Variants in SVIL observed in about 807,000 individuals in gnomAD.
SVIL encodes supervillin, also known as archvillin.
SVIL carries 101 observed loss-of-function variants against 240.4 expected under a neutral mutation model. The observed-to-expected ratio is 0.42, with a 90% confidence interval of 0.36 to 0.50. SVIL has a LOEUF of 0.50. Among genes scored for constraint, SVIL ranks in the 20% least tolerant of loss-of-function variants. The pLI is 0.01. For synonymous variants in SVIL, 999 were observed against 1,100.0 expected (o/e 0.91, Z 1.82); for missense variants, 2,512 against 2,818.7 (o/e 0.89, Z 2.46).
chr10:29,517,101 G>A (rs1950253599), intron 16 of SVIL, among the ~76,000 whole-genome samples: 1 of 152,104 alleles, frequency 6.6e-6, no homozygotes, highest in South Asian at 2.1e-4. Context: ...TCTTTTAAAT[G>A]AGAGACAAAT....
intron 1 of SVIL, among the ~76,000 whole-genome samples, chr10:29,595,444 C>T (rs1424093656): frequency 6.6e-6 from 1 of 152,128 alleles, no homozygotes; most frequent in African/African-American, 2.4e-5. Flanking sequence ...AAGGCACGTG[C>T]CCAGTGAGGG....
intron 17 of SVIL, among the ~76,000 whole-genome samples, chr10:29,501,329 A>G (rs1010726528): frequency 6.6e-6 from 1 of 151,588 alleles, no homozygotes; most frequent in African/African-American, 2.4e-5. Context: ...GCGAGGAAAT[A>G]TCTTTGACTT....
At chr10:29,480,893 G>C in intron 28 of SVIL, 80 bp from the exon 29 acceptor site, 1 of 1,485,010 alleles carries the variant, frequency 6.7e-7, no homozygotes, top group Non-Finnish European at 9.1e-7. Flanking sequence ...TGCTTCAGCT[G>C]TTCATGGGAC....
chr10:29,517,574 C>T (rs1157889302), intron 16 of SVIL, among the ~76,000 whole-genome samples: 1 of 152,186 alleles, frequency 6.6e-6, no homozygotes, highest in Non-Finnish European at 1.5e-5. Context: ...TTTGTGGAGA[C>T]AGGGAGACAG....
chr10:29,665,227 C>CAA (rs58164251), intron 2 of SVIL, among the ~76,000 whole-genome samples: 12,190 of 67,146 alleles, frequency 0.18, 1,081 homozygotes, highest in Middle Eastern at 0.24. Context: ...GATCTTGTCT[C>CAA]AAAAAAAAAA....
intron 32 of SVIL, 51 bp downstream of exon 32, chr10:29,470,225 C>G: frequency 6.3e-7 from 1 of 1,596,202 alleles, no homozygotes. Context: ...CTGCCCCGTC[C>G]CTCTGGGAAG....
At chr10:29,617,504 C>T (rs908802824) in intron 1 of SVIL, among the ~76,000 whole-genome samples, 4 of 151,702 alleles carry the variant, frequency 2.6e-5, no homozygotes, top group Non-Finnish European at 5.9e-5. Flanking sequence ...TCGCTTGAAC[C>T]CGGAAGGCAG....
chr10:29,642,692 C>CT (rs888726425), intron 3 of SVIL, among the ~76,000 whole-genome samples: 16 of 151,840 alleles, frequency 1.1e-4, no homozygotes, highest in African/African-American at 3.4e-4. Context: ...TTCTCTCTCT[C>CT]TTTTTTTTGG....
At chr10:29,571,722 C>G (rs1193348490) in intron 1 of SVIL, among the ~76,000 whole-genome samples, 2 of 152,210 alleles carry the variant, frequency 1.3e-5, no homozygotes, top group African/African-American at 4.8e-5. Flanking sequence ...AAGCAATGCT[C>G]ATGCAATTCC....
At chr10:29,470,930 G>C (rs374388362) in intron 31 of SVIL, among the ~76,000 whole-genome samples, 2 of 152,040 alleles carry the variant, frequency 1.3e-5, no homozygotes, top group East Asian at 1.9e-4. Flanking sequence ...AGCCTCCTGC[G>C]TGCAAAGGTG....
intron 33 of SVIL, 40 bp from the exon 34 acceptor site, chr10:29,465,790 C>A (rs772550457): frequency 6.3e-7 from 1 of 1,594,916 alleles, no homozygotes; most frequent in South Asian, 1.1e-5. Flanking sequence ...ATATCATGTG[C>A]ATCAAAGTAA....
chr10:29,674,884 T>C (rs1436585210), intron 2 of SVIL, among the ~76,000 whole-genome samples: 1 of 152,168 alleles, frequency 6.6e-6, no homozygotes, highest in Non-Finnish European at 1.5e-5. Context: ...CTGAAGACTG[T>C]GTCCCACGGC....
chr10:29,655,337 G>A (rs975180908), intron 3 of SVIL, among the ~76,000 whole-genome samples: 1 of 152,128 alleles, frequency 6.6e-6, no homozygotes, highest in Non-Finnish European at 1.5e-5. Flanking sequence ...GCAAGCCACT[G>A]GTGCAAGTCC....
intron 6 of SVIL, among the ~76,000 whole-genome samples, chr10:29,549,518 C>G (rs972161865): frequency 2.1e-5 from 3 of 140,376 alleles, no homozygotes; most frequent in Admixed American, 1.5e-4. Context: ...CATCCCATTA[C>G]TGGGTATATA....
Position 29,702,078 on chromosome 10 carries a change from G to A in SVIL, c.-399-15427C>T, listed in dbSNP as rs557397830. On this transcript the variant is annotated intron_variant, in intron 1 of 35. Coordinates refer to the SVIL transcript ENST00000375400. ...TAATCCCAGGTACTCGGGAGGCTGA[G>A]GCAGGAGAATCACTTGAACCCGGGA... 1.4e-3 allele frequency among the ~76,000 whole-genome samples: 215 copies of A among 149,812 alleles called. 2 individuals are homozygous for A. Among genetic ancestry groups the A allele is most frequent in the African/African-American group, 4.5e-3 (182 of 40,778 alleles).
Position 29,523,579 on chromosome 10 carries a change from C to T in SVIL, c.3035G>A (p.Gly1012Glu). ...ERANPPITHL[G>E]DEPKEFSMAK... ...CATGGAAAATTCCTTCGGTTCATCCCCGAGGTGGGTGATGGGAGGGTTCGC... is the reference window on the plus strand; with the variant it reads ...CATGGAAAATTCCTTCGGTTCATCCTCGAGGTGGGTGATGGGAGGGTTCGC... Residue 1012 changes from glycine to glutamate, a missense_variant, in exon 15 of 38, where the codon GGG becomes GAG. By Grantham distance (98) the Gly-to-Glu change is moderately conservative. This residue lies in a region of SVIL where 1,443 missense variants were observed against 1,486.6 expected (regional missense o/e 0.97). Coordinates refer to ENST00000355867, the MANE Select transcript of SVIL (RefSeq NM_021738.3). 1 of 1,614,122 alleles carries T rather than the reference C, an allele frequency of 6.2e-7. No individual in the cohort carries two copies. The highest frequency in any genetic ancestry group is 8.5e-7 in the Non-Finnish European group (1 of 1,180,010).
At chr10:29,659,888 T>A (rs4749473) in intron 2 of SVIL, among the ~76,000 whole-genome samples, 38,169 of 152,100 alleles carry the variant, frequency 0.25, 4,851 homozygotes, top group East Asian at 0.3. Context: ...CTGGGCTAGA[T>A]CAATGTAAGC....
At chr10:29,482,739 C>T (rs1157147961) in intron 27 of SVIL, 1 of 152,262 alleles carries the variant, frequency 6.6e-6, no homozygotes, top group Non-Finnish European at 1.5e-5. Context: ...TCCCCAAGAA[C>T]ACAGGTATTT....
At chr10:29,662,370 A>G (rs1959169988) in intron 2 of SVIL, among the ~76,000 whole-genome samples, 2 of 152,220 alleles carry the variant, frequency 1.3e-5, no homozygotes, top group Admixed American at 6.5e-5. Flanking sequence ...CTAATTCTCA[A>G]CCATCAAGGG....
Sources: gnomAD v4.1 joint callset for allele counts (sites outside exome capture counted in the v4.1 genomes callset) on GRCh38, gnomAD v4.1.1 for gene constraint, gnomAD v4.1.1 regional missense constraint, MANE v1.5 for transcripts, NCBI Gene and HGNC (gene_info 2026-07-23, HGNC 2026-07-21) for gene names.